Variants in WDR1 observed in about 807,000 individuals in gnomAD.
The protein encoded by WDR1 is WD repeat-containing protein 1.
In WDR1, 21 loss-of-function variants were observed where a neutral mutation model predicts 71.9. The ratio of observed to expected loss-of-function variants is 0.29; its 90% CI spans 0.21 to 0.42. WDR1 has a LOEUF of 0.42. WDR1 is among the 10% of genes least tolerant of loss of function. The pLI, the probability that WDR1 is intolerant of heterozygous loss-of-function variation, is 1.00. For synonymous variants in WDR1, 424 were observed against 347.4 expected, an observed-to-expected ratio of 1.22 and a Z score of -2.45; for missense variants, 696 against 824.5, an observed-to-expected ratio of 0.84 and a Z score of 1.91.
At chr4:10,095,519 C>T (rs1205888780) in intron 5 of WDR1, among the ~76,000 whole-genome samples, 2 of 152,184 alleles carry the variant, frequency 1.3e-5, no homozygotes, top group East Asian at 1.9e-4. Flanking sequence ...AGCCTGCACG[C>T]GCTCCCTTTG....
chr4:10,091,080 C>A (rs781650088), intron 5 of WDR1, among the ~76,000 whole-genome samples: 1 of 152,246 alleles, frequency 6.6e-6, no homozygotes, highest in Non-Finnish European at 1.5e-5. Context: ...CTTGGCCAGG[C>A]AAGGCAGTGC....
At chr4:10,079,115 C>G in intron 11 of WDR1, 114 bp from the exon 12 acceptor site, 3 of 785,776 alleles carry the variant, frequency 3.8e-6, no homozygotes, top group Non-Finnish European at 5.9e-6. Context: ...TGGCTCCATA[C>G]CCAACCTCTT....
chr4:10,091,058 G>A (rs980722388), intron 5 of WDR1, among the ~76,000 whole-genome samples: 2 of 152,258 alleles, frequency 1.3e-5, no homozygotes, highest in African/African-American at 4.8e-5. Context: ...CCCGCACCTG[G>A]GTGCTGCAAG....
intron 2 of WDR1, among the ~76,000 whole-genome samples, chr4:10,113,934 T>A (rs1258739298): frequency 3.9e-5 from 6 of 152,196 alleles, no homozygotes; most frequent in Non-Finnish European, 8.8e-5. Context: ...CAATGAGACA[T>A]GTTAGATCTT....
intron 3 of WDR1, among the ~76,000 whole-genome samples, chr4:10,102,427 GAATGGGTATT>G (rs1379564675): frequency 7.9e-5 from 12 of 152,350 alleles, no homozygotes; most frequent in African/African-American, 2.9e-4. Context: ...CTGCCCTCAG[GAATGGGTATT>G]ATGACATGAG....
chr4:10,103,863 C>T, intron 3 of WDR1, 33 bp downstream of exon 3: 1 of 1,553,444 alleles, frequency 6.4e-7, no homozygotes, highest in South Asian at 1.2e-5. Flanking sequence ...CAGGCCCCCA[C>T]AGGTGTCCAC....
rs74925994 is a variant in WDR1, at chr4:10,079,982, T to C, written c.1285-981A>G. 2.2e-3 allele frequency among the ~76,000 whole-genome samples: 332 copies of C among 149,008 alleles called. 3 individuals carry two copies. Among genetic ancestry groups the C allele is most frequent in the African/African-American group, 7.6e-3 (308 of 40,406 alleles). On this transcript the variant is annotated intron_variant, in intron 11 of 14. Transcript: ENST00000499869. ...CCCCTCCTAGCACCCTCCTAACTCT[T>C]TGACTGGTGACAGGGAGCTCTGCAG...
At chr4:10,076,431 A>C (rs1331505219) in intron 14 of WDR1, 1 of 152,280 alleles carries the variant, frequency 6.6e-6, no homozygotes, top group Non-Finnish European at 1.5e-5. Context: ...GTGAAGACAC[A>C]GACCCCGACC....
At chr4:10,101,651 C>T (rs1047785130) in intron 3 of WDR1, among the ~76,000 whole-genome samples, 6 of 152,312 alleles carry the variant, frequency 3.9e-5, no homozygotes, top group Middle Eastern at 3.4e-3. Context: ...GCAACAGTCT[C>T]CGCAACAGCC....
intron 5 of WDR1, 72 bp downstream of exon 5, chr4:10,097,639 T>C: frequency 1.3e-6 from 2 of 1,522,228 alleles, no homozygotes; most frequent in Non-Finnish European, 8.9e-7. Context: ...GCCATCAGCA[T>C]CTAAACAGGC....
chr4:10,101,009 A>T (rs949550822), intron 3 of WDR1, among the ~76,000 whole-genome samples: 11 of 152,230 alleles, frequency 7.2e-5, no homozygotes, highest in Admixed American at 2.0e-4. Flanking sequence ...ACCCTGAAAG[A>T]GGCGCCTTCC....
intron 11 of WDR1, 131 bp from the exon 12 acceptor site, chr4:10,079,132 G>T: frequency 1.6e-6 from 1 of 634,444 alleles, no homozygotes; most frequent in Non-Finnish European, 2.7e-6. Flanking sequence ...TCTTTGCAGG[G>T]CCACCTGGGG....
At chr4:10,095,320 T>C (rs1712268622) in intron 5 of WDR1, among the ~76,000 whole-genome samples, 1 of 152,246 alleles carries the variant, frequency 6.6e-6, no homozygotes, top group Admixed American at 6.5e-5. Context: ...AATGCCCACA[T>C]ATGGTTTTAA....
chr4:10,108,818 T>A (rs1168692575), intron 2 of WDR1, among the ~76,000 whole-genome samples: 7 of 152,184 alleles, frequency 4.6e-5, no homozygotes, highest in Non-Finnish European at 8.8e-5. Context: ...TCCCTGATGC[T>A]CCAAGCTAGA....
chr4:10,104,143 T>C (rs1055741953), intron 2 of WDR1, among the ~76,000 whole-genome samples, 157 bp from the exon 3 acceptor site: 2 of 152,244 alleles, frequency 1.3e-5, no homozygotes, highest in African/African-American at 4.8e-5. Flanking sequence ...TGCCTACGTA[T>C]CTACTGCCTG....
chr4:10,075,321 G>A lies in WDR1; in HGVS notation c.*57C>T, dbSNP rs1441899972. 6.0e-6 allele frequency: 9 copies of A among 1,488,830 alleles called. No homozygotes were observed. The highest frequency in any genetic ancestry group is 1.1e-5 in the South Asian group (1 of 87,784). 92.2% of individuals were successfully genotyped at this position (1,488,830 alleles called of 1,614,324 possible). On this transcript the variant is annotated 3_prime_UTR_variant, in exon 15 of 15. Transcript: ENST00000499869. ...CAGAAATAGAGAAATGACATGTTCC[G>A]CTGCAGTTAAACTCTAGTCCCTGAT...
chr4:10,085,619 G>A (rs1402660527), intron 8 of WDR1, among the ~76,000 whole-genome samples: 5 of 152,236 alleles, frequency 3.3e-5, no homozygotes, highest in African/African-American at 9.6e-5. Context: ...CAGGCTCAAT[G>A]CCTTGAACTT....
intron 3 of WDR1, among the ~76,000 whole-genome samples, chr4:10,100,872 A>ATCCACACATGCACACATG (rs1379321225): frequency 1.3e-5 from 2 of 152,214 alleles, no homozygotes; most frequent in Non-Finnish European, 2.9e-5. Flanking sequence ...GAGCATACAT[A>ATCCACACATGCACACATG]TCCACACATG....
At chr4:10,103,703 C>G (rs1712842867) in intron 3 of WDR1, among the ~76,000 whole-genome samples, 193 bp downstream of exon 3, 1 of 152,206 alleles carries the variant, frequency 6.6e-6, no homozygotes, top group African/African-American at 2.4e-5. Context: ...ACAAGGCTGG[C>G]TTACACATTC....
Sources: gnomAD v4.1 joint callset for allele counts (sites outside exome capture counted in the v4.1 genomes callset) on GRCh38, gnomAD v4.1.1 for gene constraint, MANE v1.5 for transcripts, NCBI Gene and HGNC (gene_info 2026-07-23, HGNC 2026-07-21) for gene names.